SPAG17: variants seen among roughly 807,000 people sequenced by gnomAD.
SPAG17 encodes sperm-associated antigen 17.
SPAG17 carries 169 observed loss-of-function variants against 273.6 expected under a neutral mutation model. The ratio of observed to expected loss-of-function variants is 0.62; its 90% confidence interval spans 0.55 to 0.70. The LOEUF (loss-of-function observed/expected upper bound fraction) is 0.70, where lower values mean the gene tolerates loss of function less well. Ranked by LOEUF, SPAG17 falls within the 30% of genes least tolerant of loss-of-function variation. SPAG17 has a pLI of 0.00. For synonymous variants in SPAG17, 825 were observed against 873.2 expected, an observed-to-expected ratio of 0.94 and a Z score of 0.97; for missense variants, 2,557 against 2,627.8, an observed-to-expected ratio of 0.97 and a Z score of 0.59.
intron 23 of SPAG17, among the ~76,000 whole-genome samples, chr1:118,037,244 AC>A (rs1649184963): frequency 6.6e-6 from 1 of 152,238 alleles, no homozygotes; most frequent in Non-Finnish European, 1.5e-5. Context: ...TTAAATTCCC[AC>A]ACTTAAACTT....
intron 3 of SPAG17, among the ~76,000 whole-genome samples, chr1:118,123,722 A>G (rs1016248025): frequency 6.6e-6 from 1 of 152,236 alleles, no homozygotes; most frequent in African/African-American, 2.4e-5. Flanking sequence ...TGCTGAAATG[A>G]AATAATATTT....
At chr1:117,971,615 A>G (rs1654569099) in intron 45 of SPAG17, among the ~76,000 whole-genome samples, 1 of 151,370 alleles carries the variant, frequency 6.6e-6, no homozygotes, top group South Asian at 2.1e-4. Context: ...TGCTTTTACC[A>G]AAGTATGAAT....
chr1:118,141,137 T>G (rs1658658107), intron 3 of SPAG17, among the ~76,000 whole-genome samples: 1 of 152,212 alleles, frequency 6.6e-6, no homozygotes, highest in Admixed American at 6.5e-5. Context: ...TTGTTTTGAG[T>G]TTTGCTTAAT....
chr1:118,027,776 G>A (rs1647926594), intron 26 of SPAG17, among the ~76,000 whole-genome samples: 1 of 152,128 alleles, frequency 6.6e-6, no homozygotes, highest in Non-Finnish European at 1.5e-5. Context: ...ATTATATATA[G>A]ATACATGAAA....
intron 26 of SPAG17, among the ~76,000 whole-genome samples, chr1:118,026,783 A>G (rs1215543695): frequency 6.6e-6 from 1 of 152,184 alleles, no homozygotes; most frequent in African/African-American, 2.4e-5. Flanking sequence ...AACCAAAAAT[A>G]AAAAGTCACT....
At chr1:118,108,101 C>T (rs145389692) in intron 4 of SPAG17, among the ~76,000 whole-genome samples, 444 of 152,238 alleles carry the variant, frequency 2.9e-3, no homozygotes, top group African/African-American at 0.01. Flanking sequence ...CTTTACCCTA[C>T]CCAGTGCATT....
intron 46 of SPAG17, 40 bp downstream of exon 46, chr1:117,970,016 T>C (rs1250407277): frequency 6.3e-7 from 1 of 1,590,846 alleles, no homozygotes; most frequent in East Asian, 2.2e-5. Context: ...GTCACTTGCA[T>C]GCACGCAAGC....
chr1:118,025,456 C>T (rs1419034295), intron 26 of SPAG17, 40 bp from the exon 27 acceptor site: 1 of 1,330,154 alleles, frequency 7.5e-7, no homozygotes, highest in Non-Finnish European at 1.0e-6. Context: ...CTGGACAATG[C>T]TGCAGGGCTG....
chr1:118,148,691 A>G (rs1659204148), intron 3 of SPAG17, among the ~76,000 whole-genome samples: 1 of 152,186 alleles, frequency 6.6e-6, no homozygotes, highest in South Asian at 2.1e-4. Flanking sequence ...ACCTCTCACT[A>G]GTTGGTACAA....
intron 10 of SPAG17, among the ~76,000 whole-genome samples, chr1:118,089,376 T>C (rs1037288283): frequency 2.9e-5 from 3 of 103,322 alleles, no homozygotes; most frequent in African/African-American, 7.0e-5. Flanking sequence ...GGAGGTGAGA[T>C]GACAGGTACA....
In SPAG17 at chr1:118,081,434, T is replaced by C; in HGVS notation, c.1971A>G (p.Gln657=). The C allele has an allele frequency of 7.4e-6, 12 of 1,613,876 alleles. No individual in the cohort carries two copies. Among genetic ancestry groups the C allele is most frequent in the Non-Finnish European group, 1.0e-5 (12 of 1,179,972 alleles). Residue 657 remains glutamine (Q), a synonymous_variant, in exon 14 of 49, where the codon CAA becomes CAG. Transcript: ENST00000336338. ...RQQYVMKMNT[Q]EAKQKADIKI... is the part of the protein sequence containing the mutation. ...GTGTACCTGCTTTCTGCTTGGCCTC[T>C]TGAGTATTCATTTTCATGACATATT...
At chr1:118,116,211 CA>C (rs1196472229) in intron 3 of SPAG17, among the ~76,000 whole-genome samples, 2 of 151,576 alleles carry the variant, frequency 1.3e-5, no homozygotes, top group East Asian at 1.9e-4. Context: ...TTATTTACTG[CA>C]AAAAAAATAA....
chr1:118,122,248 T>C (rs572230622), intron 3 of SPAG17, among the ~76,000 whole-genome samples: 1 of 152,070 alleles, frequency 6.6e-6, no homozygotes, highest in South Asian at 2.1e-4. Flanking sequence ...TTGATGAAAA[T>C]GATGGAAGAG....
intron 4 of SPAG17, among the ~76,000 whole-genome samples, chr1:118,112,190 T>C (rs934032628): frequency 6.6e-6 from 1 of 152,048 alleles, no homozygotes; most frequent in Non-Finnish European, 1.5e-5. Context: ...TTCAAAATTG[T>C]CTTGACTTTA....
chr1:118,104,927 T>C (rs1013863221), intron 4 of SPAG17, among the ~76,000 whole-genome samples: 2 of 152,120 alleles, frequency 1.3e-5, no homozygotes, highest in Non-Finnish European at 2.9e-5. Flanking sequence ...TGTATATATG[T>C]AAAGTCAAGA....
At chr1:118,002,895 T>C (rs1345805398) in intron 32 of SPAG17, among the ~76,000 whole-genome samples, 1 of 152,252 alleles carries the variant, frequency 6.6e-6, no homozygotes, top group African/African-American at 2.4e-5. Context: ...TTTTGCCCAT[T>C]AATTGATGCA....
intron 38 of SPAG17, among the ~76,000 whole-genome samples, chr1:117,989,253 T>TTTGGCTCAC (rs1656791434): frequency 6.6e-6 from 1 of 152,176 alleles, no homozygotes; most frequent in Admixed American, 6.5e-5. Context: ...AAGAGGTTTC[T>TTTGGCTCAC]TTGGCTCACA....
chr1:118,172,077 T>C (rs1660443601), intron 1 of SPAG17, among the ~76,000 whole-genome samples: 1 of 152,148 alleles, frequency 6.6e-6, no homozygotes, highest in Non-Finnish European at 1.5e-5. Flanking sequence ...ATTATGCAAA[T>C]ATTATCTCTT....
intron 3 of SPAG17, among the ~76,000 whole-genome samples, chr1:118,126,582 T>C (rs1308067661): frequency 1.3e-5 from 2 of 152,130 alleles, no homozygotes; most frequent in African/African-American, 2.4e-5. Flanking sequence ...TTCTGAATAT[T>C]AGTCCTTTGT....
Sources: gnomAD v4.1 joint callset for allele counts (sites outside exome capture counted in the v4.1 genomes callset) on GRCh38, gnomAD v4.1.1 for gene constraint, MANE v1.5 for transcripts, NCBI Gene and HGNC (gene_info 2026-07-23, HGNC 2026-07-21) for gene names.